GDPD4: variants seen among roughly 807,000 people sequenced by gnomAD.
GDPD4 encodes glycerophosphodiester phosphodiesterase domain containing 4.
In GDPD4, 60 loss-of-function variants were observed where a neutral mutation model predicts 67.8. That is an observed-to-expected ratio of 0.88 (90% CI 0.72 to 1.10). The LOEUF is 1.10. Among genes scored for constraint, GDPD4 ranks in the 50% least tolerant of loss-of-function variants. The probability of loss-of-function intolerance (pLI) is 0.00; values close to 1 mark genes in which losing one functional copy is unlikely to be tolerated. For synonymous variants in GDPD4, 212 were observed against 210.9 expected (o/e 1.00, Z -0.04); for missense variants, 623 against 613.9 (o/e 1.01, Z -0.16).
chr11:77,245,962 A>G (rs1958774829), intron 11 of GDPD4, among the ~76,000 whole-genome samples: 1 of 152,084 alleles, frequency 6.6e-6, no homozygotes, highest in African/African-American at 2.4e-5. Flanking sequence ...TTCAAATGCT[A>G]TTTCCCTCAT....
At chr11:77,228,499 C>CAAAA (rs58364800) in intron 15 of GDPD4, among the ~76,000 whole-genome samples, 1,705 of 26,564 alleles carry the variant, frequency 0.064, 263 homozygotes, top group African/African-American at 0.099. Flanking sequence ...GACTCCGTCT[C>CAAAA]AAAAAAAAAA....
At chr11:77,236,548 T>C (rs912796330) in intron 13 of GDPD4, among the ~76,000 whole-genome samples, 3 of 152,122 alleles carry the variant, frequency 2.0e-5, no homozygotes, top group Non-Finnish European at 2.9e-5. Context: ...AAAGACTTAT[T>C]AAGCAAACAC....
intron 3 of GDPD4, among the ~76,000 whole-genome samples, chr11:77,283,967 C>T (rs1296874631): frequency 2.0e-5 from 3 of 151,748 alleles, no homozygotes; most frequent in Non-Finnish European, 2.9e-5. Flanking sequence ...GGGATCCTCC[C>T]ACCTCAGCCT....
chr11:77,297,058 A>C (rs1189899845), intron 1 of GDPD4, among the ~76,000 whole-genome samples: 2 of 120,922 alleles, frequency 1.7e-5, no homozygotes, highest in African/African-American at 8.0e-5. Context: ...CCTCAAAAAA[A>C]ACAAAAAAAA....
Position 77,250,622 on chromosome 11 carries a change from G to C in GDPD4, c.865-5120C>G, listed in dbSNP as rs114591846. On this transcript the variant is annotated intron_variant, in intron 11 of 16. Coordinates refer to ENST00000315938, the MANE Select transcript of GDPD4 (RefSeq NM_182833.3). Reference sequence around the variant, plus strand: ...AGAATGTTCCATGTGCTGATGAAGAGAATGTGTATTCCATAGCTATTTTAT... The same window carrying C: ...AGAATGTTCCATGTGCTGATGAAGACAATGTGTATTCCATAGCTATTTTAT... 4.5e-3 allele frequency among the ~76,000 whole-genome samples: 688 copies of C among 152,264 alleles called. 10 individuals carry two copies. Among genetic ancestry groups the C allele is most frequent in the African/African-American group, 0.015 (643 of 41,540 alleles).
chr11:77,290,304 C>T (rs1437197100), intron 1 of GDPD4, among the ~76,000 whole-genome samples: 1 of 152,164 alleles, frequency 6.6e-6, no homozygotes, highest in Non-Finnish European at 1.5e-5. Context: ...CCAACAATTA[C>T]AGAATACACA....
In GDPD4 at chr11:77,285,076, G is replaced by C; in HGVS notation, c.53+9C>G. On this transcript the variant is annotated intron_variant, in intron 3 of 16. Coordinates refer to ENST00000315938, the MANE Select transcript of GDPD4 (RefSeq NM_182833.3). ...TTACACAAATGAAACTACAAAAAGT[G>C]AAACTCACCAGTCAAAGTTAAAGTA... 4 of 1,601,192 alleles carry C rather than the reference G, an allele frequency of 2.5e-6. No homozygotes were observed. In the Admixed American group the frequency reaches 6.7e-5, roughly 27 times the overall value.
intron 12 of GDPD4, among the ~76,000 whole-genome samples, chr11:77,244,461 G>A (rs867660769): frequency 1.3e-5 from 2 of 152,298 alleles, no homozygotes; most frequent in Middle Eastern, 3.4e-3. Flanking sequence ...TGTACACAAA[G>A]ACTCATACAA....
intron 13 of GDPD4, among the ~76,000 whole-genome samples, chr11:77,238,396 C>G (rs535148076): frequency 6.6e-6 from 1 of 151,918 alleles, no homozygotes; most frequent in Admixed American, 6.6e-5. Flanking sequence ...CCAGCCTGGC[C>G]AACATGATGA....
intron 15 of GDPD4, among the ~76,000 whole-genome samples, chr11:77,228,924 C>G (rs1226652804): frequency 1.2e-4 from 18 of 152,130 alleles, no homozygotes; most frequent in Non-Finnish European, 4.4e-5. Flanking sequence ...TAGTAATAGG[C>G]TTGACTAAGC....
At chr11:77,259,959 CGA>C (rs760395928) in intron 10 of GDPD4, among the ~76,000 whole-genome samples, 1 of 152,096 alleles carries the variant, frequency 6.6e-6, no homozygotes, top group Non-Finnish European at 1.5e-5. Flanking sequence ...TTCCATCCAG[CGA>C]GAGAGGAGAG....
At chr11:77,252,360 G>A (rs568329457) in intron 11 of GDPD4, among the ~76,000 whole-genome samples, 58 of 151,900 alleles carry the variant, frequency 3.8e-4, no homozygotes, top group Non-Finnish European at 6.5e-4. Flanking sequence ...CACCACATCC[G>A]GCTGGTTCTT....
intron 13 of GDPD4, among the ~76,000 whole-genome samples, chr11:77,235,012 T>G (rs1349394409): frequency 1.9e-4 from 9 of 47,156 alleles, no homozygotes; most frequent in Non-Finnish European, 2.1e-4. Flanking sequence ...AATATCTGTT[T>G]TTTTTTTTTT....
At chr11:77,299,569 TATCTGTTCTGCTG>T (rs1226344062) in intron 1 of GDPD4, among the ~76,000 whole-genome samples, 4 of 152,254 alleles carry the variant, frequency 2.6e-5, no homozygotes, top group African/African-American at 4.8e-5. Flanking sequence ...GCTAATGGGC[TATCTGTTCTGCTG>T]ATCTGTTCTG....
intron 13 of GDPD4, among the ~76,000 whole-genome samples, chr11:77,235,024 T>G (rs1382841465): frequency 2.8e-5 from 4 of 141,410 alleles, no homozygotes; most frequent in Non-Finnish European, 3.1e-5. Context: ...TTTTTTTTTT[T>G]TTTTTTTTTT....
intron 1 of GDPD4, among the ~76,000 whole-genome samples, chr11:77,293,864 T>C (rs1057165789): frequency 2.6e-5 from 4 of 152,198 alleles, no homozygotes; most frequent in African/African-American, 9.6e-5. Flanking sequence ...CAAGGATGTC[T>C]GTTATCACCA....
At chr11:77,255,620 G>C (rs1235861869) in intron 11 of GDPD4, among the ~76,000 whole-genome samples, 1 of 152,060 alleles carries the variant, frequency 6.6e-6, no homozygotes, top group Non-Finnish European at 1.5e-5. Context: ...CAGTACTTTG[G>C]GAGGCCAAGG....
At chr11:77,227,764 C>T in intron 16 of GDPD4, 100 bp downstream of exon 16, 1 of 527,580 alleles carries the variant, frequency 1.9e-6, no homozygotes, top group East Asian at 5.2e-5. Flanking sequence ...ACTTTCCAGA[C>T]ACCCTCAGCT....
chr11:77,294,360 T>C (rs1209762977), intron 1 of GDPD4, among the ~76,000 whole-genome samples: 3 of 152,184 alleles, frequency 2.0e-5, no homozygotes, highest in Non-Finnish European at 4.4e-5. Context: ...AAAAATTAAA[T>C]TTAAATGATG....
Sources: allele counts gnomAD v4.1 joint callset (sites outside exome capture counted in the v4.1 genomes callset), GRCh38; gene constraint gnomAD v4.1.1; transcripts MANE v1.5; gene names NCBI Gene and HGNC (gene_info 2026-07-23, HGNC 2026-07-21).